Variants in CBL observed in about 807,000 individuals in gnomAD.
CBL encodes the protein E3 ubiquitin-protein ligase CBL.
In CBL, 45 loss-of-function variants were observed where a neutral mutation model predicts 96.9. The ratio of observed to expected loss-of-function variants is 0.46; its 90% CI spans 0.37 to 0.60. The LOEUF (loss-of-function observed/expected upper bound fraction) is 0.60, where lower values mean the gene tolerates loss of function less well. Among genes scored for constraint, CBL ranks in the 20% least tolerant of loss-of-function variants. The pLI, the probability that CBL is intolerant of heterozygous loss-of-function variation, is 0.00. For synonymous variants in CBL, 420 were observed against 426.8 expected (o/e 0.98, Z 0.20); for missense variants, 1,024 against 1,143.5 (o/e 0.90, Z 1.51).
chr11:119,229,302 A>G (rs1037474485), intron 1 of CBL, among the ~76,000 whole-genome samples: 1 of 152,194 alleles, frequency 6.6e-6, no homozygotes, highest in African/African-American at 2.4e-5. Flanking sequence ...CTTAGAATAT[A>G]GTTATCTTCC....
At chr11:119,224,652 G>A (rs961928180) in intron 1 of CBL, among the ~76,000 whole-genome samples, 2 of 152,066 alleles carry the variant, frequency 1.3e-5, no homozygotes, top group Non-Finnish European at 2.9e-5. Context: ...GTGCAGTGGC[G>A]TGACCTTGGC....
At chr11:119,238,359 A>G (rs1949560764) in intron 2 of CBL, among the ~76,000 whole-genome samples, 1 of 151,646 alleles carries the variant, frequency 6.6e-6, no homozygotes, top group South Asian at 2.1e-4. Flanking sequence ...ACAGACATGC[A>G]CCACAACCCC....
At chr11:119,246,477 A>T (rs1475205886) in intron 2 of CBL, among the ~76,000 whole-genome samples, 1 of 151,316 alleles carries the variant, frequency 6.6e-6, no homozygotes, top group Non-Finnish European at 1.5e-5. Context: ...TTGAGATGGG[A>T]GTCTTGCTCT....
chr11:119,298,237 C>A, intron 14 of CBL, 121 bp from the exon 15 acceptor site: 1 of 880,912 alleles, frequency 1.1e-6, no homozygotes. Context: ...AGTAGACAAT[C>A]AGTAACTGTT....
intron 2 of CBL, among the ~76,000 whole-genome samples, chr11:119,244,575 C>T (rs533408631): frequency 7.8e-4 from 76 of 97,768 alleles, no homozygotes; most frequent in Non-Finnish European, 1.3e-3. Flanking sequence ...CTACCATGCC[C>T]GGCTAATTTT....
chr11:119,207,627 G>T (rs1949282335), intron 1 of CBL, among the ~76,000 whole-genome samples: 1 of 152,206 alleles, frequency 6.6e-6, no homozygotes, highest in Non-Finnish European at 1.5e-5. Context: ...AATGTAGTCA[G>T]TCTCAAGTAT....
chr11:119,229,613 A>G (rs1319545524), intron 1 of CBL, among the ~76,000 whole-genome samples: 1 of 152,152 alleles, frequency 6.6e-6, no homozygotes, highest in Admixed American at 6.5e-5. Context: ...TCTCAAAAAC[A>G]ACAACAACAA....
At chr11:119,215,592 C>T (rs1459930750) in intron 1 of CBL, among the ~76,000 whole-genome samples, 1 of 150,974 alleles carries the variant, frequency 6.6e-6, no homozygotes, top group Non-Finnish European at 1.5e-5. Flanking sequence ...TTTAAACCCG[C>T]CCGGGAGGGT....
At chr11:119,292,852 G>C (rs988317850) in intron 12 of CBL, among the ~76,000 whole-genome samples, 18 of 152,048 alleles carry the variant, frequency 1.2e-4, no homozygotes, top group African/African-American at 3.9e-4. Flanking sequence ...TTTATTTTTC[G>C]ATACAGTTGC....
intron 9 of CBL, among the ~76,000 whole-genome samples, chr11:119,282,198 C>G (rs1218053818): frequency 3.4e-5 from 5 of 145,086 alleles, no homozygotes; most frequent in African/African-American, 1.4e-4. Flanking sequence ...ATTAGCCAGG[C>G]ATGGTGGCGC....
intron 1 of CBL, among the ~76,000 whole-genome samples, chr11:119,219,710 G>C (rs577056286): frequency 1.3e-5 from 2 of 150,498 alleles, no homozygotes; most frequent in Non-Finnish European, 1.5e-5. Context: ...TTGAGACAGA[G>C]TCTTACTCTG....
chr11:119,299,778 C>A lies in CBL; in HGVS notation c.2718C>A (p.Thr906=). The change falls in exon 16 of 16, where the codon ACC becomes ACA. Residue 906 remains threonine, a synonymous_variant. Transcript: ENST00000264033. ...TTTCTTCTCCTGCCCATGTAGCTAC[C>A]TAGCACACCATCTCCCTGCTGCAGG... The part of the protein sequence containing the change: ...VSISSPAHVA[T] The A allele has an allele frequency of 6.2e-7, 1 of 1,614,058 alleles. No homozygotes were observed. The highest frequency in any genetic ancestry group is 8.5e-7 in the Non-Finnish European group (1 of 1,179,996).
chr11:119,242,861 C>T (rs769507489), intron 2 of CBL, among the ~76,000 whole-genome samples: 1 of 150,948 alleles, frequency 6.6e-6, no homozygotes, highest in East Asian at 1.9e-4. Flanking sequence ...AAAAATTTTT[C>T]TCTCAAATCT....
At chr11:119,293,811 A>G (rs564427597) in intron 12 of CBL, among the ~76,000 whole-genome samples, 2 of 152,302 alleles carry the variant, frequency 1.3e-5, no homozygotes, top group Non-Finnish European at 2.9e-5. Flanking sequence ...TGGCGCTGGC[A>G]TGGTGAGGGC....
At chr11:119,271,929 G>A (rs373224055) in intron 3 of CBL, 48 bp downstream of exon 3, 21 of 1,576,938 alleles carry the variant, frequency 1.3e-5, no homozygotes, top group African/African-American at 6.8e-5. Flanking sequence ...TAAAGCTTAC[G>A]AGTTTTTTCT....
intron 14 of CBL, among the ~76,000 whole-genome samples, chr11:119,297,899 A>G (rs192320870): frequency 4.9e-4 from 75 of 152,120 alleles, no homozygotes; most frequent in Admixed American, 7.2e-4. Context: ...TGTGTTCTAT[A>G]CTCTGGACCT....
intron 2 of CBL, among the ~76,000 whole-genome samples, chr11:119,264,741 C>T (rs915389049): frequency 3.3e-5 from 5 of 151,924 alleles, no homozygotes; most frequent in African/African-American, 9.7e-5. Flanking sequence ...CTTGGCCTCC[C>T]GTAAGTGCTG....
chr11:119,296,884 CTTCT>C, intron 12 of CBL, 30 bp from the exon 13 acceptor site: 1 of 1,080,686 alleles, frequency 9.3e-7, no homozygotes, highest in Non-Finnish European at 1.4e-6. Context: ...TGGTTTGTTA[CTTCT>C]TTTTCTATTT....
chr11:119,236,724 CT>C (rs2135269222), intron 2 of CBL, among the ~76,000 whole-genome samples: 1 of 151,784 alleles, frequency 6.6e-6, no homozygotes, highest in Non-Finnish European at 1.5e-5. Context: ...TTTCTTTCCC[CT>C]AGCAATGTAT....
Sources: allele counts gnomAD v4.1 joint callset (sites outside exome capture counted in the v4.1 genomes callset), GRCh38; gene constraint gnomAD v4.1.1; transcripts MANE v1.5; gene names NCBI Gene and HGNC (gene_info 2026-07-23, HGNC 2026-07-21).